The following DTNBP1 variants were observed in gnomAD, a reference collection of about 807,000 sequenced individuals.
The protein encoded by DTNBP1 is dystrobrevin binding protein 1.
In DTNBP1, 35 loss-of-function variants were observed where a neutral mutation model predicts 42.8. The observed-to-expected ratio is 0.82, with a 90% CI of 0.63 to 1.09. The LOEUF (loss-of-function observed/expected upper bound fraction) is 1.09. Among genes scored for constraint, DTNBP1 ranks in the 50% least tolerant of loss-of-function variants. DTNBP1 has a pLI of 0.00. For synonymous variants in DTNBP1, 171 were observed against 162.2 expected (o/e 1.05, Z -0.41); for missense variants, 457 against 424.2 (o/e 1.08, Z -0.68).
chr6:15,581,234 C>T (rs893059154), intron 7 of DTNBP1, among the ~76,000 whole-genome samples: 3 of 152,222 alleles, frequency 2.0e-5, no homozygotes, highest in Non-Finnish European at 4.4e-5. Context: ...GGCTGGAGGG[C>T]AGTGGCTCCA....
chr6:15,627,115 A>G (rs1420022065), intron 5 of DTNBP1, among the ~76,000 whole-genome samples: 1 of 152,198 alleles, frequency 6.6e-6, no homozygotes, highest in Non-Finnish European at 1.5e-5. Flanking sequence ...CAACATAATT[A>G]TAATTATGTG....
chr6:15,659,039 A>G (rs1000780595), intron 1 of DTNBP1, among the ~76,000 whole-genome samples: 5 of 151,950 alleles, frequency 3.3e-5, no homozygotes, highest in African/African-American at 4.8e-5. Flanking sequence ...GACAACCTAG[A>G]GCTCCCCCCA....
At chr6:15,553,803 C>T (rs561028294) in intron 7 of DTNBP1, among the ~76,000 whole-genome samples, 2 of 152,024 alleles carry the variant, frequency 1.3e-5, no homozygotes, top group Admixed American at 1.3e-4. Context: ...AAATATGGCA[C>T]TGTGGCGTAT....
chr6:15,557,199 T>A (rs898414356), intron 7 of DTNBP1, among the ~76,000 whole-genome samples: 2 of 151,822 alleles, frequency 1.3e-5, no homozygotes, highest in Non-Finnish European at 1.5e-5. Flanking sequence ...GTGTTAAAAG[T>A]AGAATGTGTT....
intron 7 of DTNBP1, chr6:15,548,322 C>T (rs945182685): frequency 2.6e-5 from 4 of 152,016 alleles, no homozygotes; most frequent in African/African-American, 9.7e-5. Flanking sequence ...GTTTTAAAAG[C>T]GTTCTACCTG....
chr6:15,555,954 C>T (rs1430493461), intron 7 of DTNBP1, among the ~76,000 whole-genome samples: 1 of 152,184 alleles, frequency 6.6e-6, no homozygotes, highest in Non-Finnish European at 1.5e-5. Context: ...AGGGACAACA[C>T]TGGAGAAACC....
intron 3 of DTNBP1, among the ~76,000 whole-genome samples, chr6:15,643,523 A>G (rs920162636): frequency 9.2e-5 from 14 of 152,096 alleles, no homozygotes; most frequent in Admixed American, 2.0e-4. Flanking sequence ...AGCAAAAATC[A>G]TAAAGGCAGC....
intron 5 of DTNBP1, among the ~76,000 whole-genome samples, chr6:15,625,874 T>C (rs1040833587): frequency 2.6e-5 from 4 of 152,228 alleles, no homozygotes; most frequent in South Asian, 4.1e-4. Context: ...TTAAAGGCTA[T>C]GTCCAAGGCT....
At chr6:15,527,617 A>G (rs1772495661) in intron 8 of DTNBP1, among the ~76,000 whole-genome samples, 1 of 152,224 alleles carries the variant, frequency 6.6e-6, no homozygotes, top group Non-Finnish European at 1.5e-5. Flanking sequence ...GAAAAAAACA[A>G]TAGCCCAAAG....
chr6:15,600,291 A>G (rs1776679163), intron 6 of DTNBP1, among the ~76,000 whole-genome samples: 2 of 152,142 alleles, frequency 1.3e-5, no homozygotes, highest in South Asian at 2.1e-4. Context: ...CTGGCCCAGC[A>G]CCGCTACTTC....
intron 6 of DTNBP1, among the ~76,000 whole-genome samples, chr6:15,599,039 A>C (rs1028423475): frequency 3.9e-5 from 6 of 152,272 alleles, no homozygotes; most frequent in Non-Finnish European, 7.4e-5. Context: ...ATTTAAGAAA[A>C]ATGGATTCCA....
At chr6:15,604,646 T>C (rs555112105) in intron 6 of DTNBP1, among the ~76,000 whole-genome samples, 1 of 152,238 alleles carries the variant, frequency 6.6e-6, no homozygotes, top group South Asian at 2.1e-4. Context: ...GAACATACAC[T>C]GGTCAAACGC....
chr6:15,623,810 G>A (rs1357813199), intron 5 of DTNBP1, among the ~76,000 whole-genome samples: 2 of 152,126 alleles, frequency 1.3e-5, no homozygotes, highest in Middle Eastern at 3.2e-3. Flanking sequence ...CACAGAATAA[G>A]AAAGTGCATA....
At chr6:15,538,106 T>C (rs556512070) in intron 7 of DTNBP1, among the ~76,000 whole-genome samples, 2 of 152,152 alleles carry the variant, frequency 1.3e-5, no homozygotes, top group Non-Finnish European at 2.9e-5. Context: ...GGGGCTGGGA[T>C]GGATTTTACC....
chr6:15,523,187 T>C lies in DTNBP1; in HGVS notation c.844A>G (p.Thr282Ala), dbSNP rs764918498. Residue 282 changes from threonine to alanine, a missense_variant, in exon 10 of 10, where the codon ACC (threonine) becomes GCC (alanine). By Grantham distance (58) the Thr-to-Ala change is moderately conservative. Transcript: ENST00000344537. ...TCTGAGGGATTTGGAACCTGGAGGG[T>C]AATCTCATTCTGACAGGTACTGGAT... ...PESSTCQNEI[T>A]LQVPNPSELR... 8 of 1,614,042 alleles carry C rather than the reference T, an allele frequency of 5.0e-6. No individual in the cohort carries two copies. The Admixed American group carries it at 1.3e-4, about 27-fold the overall frequency.
intron 1 of DTNBP1, among the ~76,000 whole-genome samples, chr6:15,654,624 C>T (rs1761182558): frequency 6.6e-6 from 1 of 151,926 alleles, no homozygotes; most frequent in African/African-American, 2.4e-5. Context: ...CATCTCCTCC[C>T]CGCCACCGAC....
intron 7 of DTNBP1, among the ~76,000 whole-genome samples, chr6:15,545,688 C>T (rs1295292124): frequency 6.6e-6 from 1 of 152,144 alleles, no homozygotes; most frequent in Non-Finnish European, 1.5e-5. Flanking sequence ...TCCTTAGGAA[C>T]AGCTACTGGA....
chr6:15,611,109 T>G (rs1298802119), intron 6 of DTNBP1, among the ~76,000 whole-genome samples: 1 of 152,226 alleles, frequency 6.6e-6, no homozygotes, highest in Non-Finnish European at 1.5e-5. Flanking sequence ...AGTCTGATTC[T>G]CTTGTTAGGG....
At chr6:15,624,010 C>T (rs764740636) in intron 5 of DTNBP1, among the ~76,000 whole-genome samples, 2 of 152,206 alleles carry the variant, frequency 1.3e-5, no homozygotes, top group African/African-American at 4.8e-5. Flanking sequence ...CTAGAGAGGC[C>T]CCCATTAGAA....
Sources: allele counts gnomAD v4.1 joint callset (sites outside exome capture counted in the v4.1 genomes callset), GRCh38; gene constraint gnomAD v4.1.1; transcripts MANE v1.5; gene names NCBI Gene and HGNC (gene_info 2026-07-23, HGNC 2026-07-21).